The following NBAS variants were observed in gnomAD, a reference collection of about 807,000 sequenced individuals.
NBAS encodes the protein NAG/BC035112 fusion.
A neutral mutation model predicts 302.5 loss-of-function variants in NBAS; 219 were observed. That is an observed-to-expected ratio of 0.72 (90% confidence interval 0.65 to 0.81). The LOEUF (loss-of-function observed/expected upper bound fraction) is 0.81. NBAS is among the 30% of genes least tolerant of loss of function. NBAS has a pLI of 0.00. For synonymous variants in NBAS, 1,118 were observed against 1,021.6 expected, an observed-to-expected ratio of 1.09 and a Z score of -1.80; for missense variants, 2,932 against 2,841.6, an observed-to-expected ratio of 1.03 and a Z score of -0.72.
intron 11 of NBAS, among the ~76,000 whole-genome samples, chr2:15,496,253 T>C (rs1288148197): frequency 6.6e-6 from 1 of 152,150 alleles, no homozygotes; most frequent in Non-Finnish European, 1.5e-5. Context: ...TTTATAATTC[T>C]ATTCATATAG....
the NBAS span, among the ~76,000 whole-genome samples, chr2:14,977,593 T>C: frequency 6.6e-6 from 1 of 152,240 alleles, no homozygotes; most frequent in African/African-American, 2.4e-5. Flanking sequence ...CTGGCTTTAC[T>C]TTTTGTCCCT....
At chr2:15,259,155 C>T (rs928898101) in intron 44 of NBAS, among the ~76,000 whole-genome samples, 1 of 152,084 alleles carries the variant, frequency 6.6e-6, no homozygotes, top group Non-Finnish European at 1.5e-5. Flanking sequence ...TTTAAAAAAA[C>T]CCTTGAAACC....
At chr2:15,409,112 A>G (rs1355727825) in intron 25 of NBAS, among the ~76,000 whole-genome samples, 1 of 152,222 alleles carries the variant, frequency 6.6e-6, no homozygotes, top group African/African-American at 2.4e-5. Flanking sequence ...ACACATATAT[A>G]TTATTTCATT....
chr2:15,372,921 T>C (rs180905011), intron 31 of NBAS, among the ~76,000 whole-genome samples: 37 of 152,280 alleles, frequency 2.4e-4, no homozygotes, highest in Admixed American at 2.3e-3. Context: ...TTTTGTATTA[T>C]ACCAATCTGC....
chr2:14,784,011 C>T, the NBAS span, among the ~76,000 whole-genome samples: 352 of 152,130 alleles, frequency 2.3e-3, 1 homozygote, highest in African/African-American at 7.3e-3. Flanking sequence ...ATGATTGCCA[C>T]TCTAACTGGT....
chr2:15,186,970 G>A (rs529340952), intron 49 of NBAS, 90 bp from the exon 50 acceptor site: 20 of 1,547,000 alleles, frequency 1.3e-5, no homozygotes, highest in Non-Finnish European at 1.2e-5. Context: ...AATGCTTACG[G>A]TAAATTACAA....
At chr2:14,789,437 G>A in the NBAS span, among the ~76,000 whole-genome samples, 4 of 152,150 alleles carry the variant, frequency 2.6e-5, no homozygotes, top group Non-Finnish European at 5.9e-5. Context: ...CTCATGCTGG[G>A]AGCTGTAGAC....
intron 51 of NBAS, among the ~76,000 whole-genome samples, chr2:15,171,524 C>G (rs1664289732): frequency 1.3e-5 from 2 of 152,124 alleles, no homozygotes; most frequent in Middle Eastern, 3.2e-3. Flanking sequence ...AATATTTCAG[C>G]CATTTTAAGT....
chr2:14,986,835 A>G, the NBAS span, among the ~76,000 whole-genome samples: 1 of 152,292 alleles, frequency 6.6e-6, no homozygotes, highest in East Asian at 1.9e-4. Context: ...CCACAAAAAA[A>G]GTATGCTAGA....
chr2:15,509,664 GTT>G (rs1470467715), intron 10 of NBAS, among the ~76,000 whole-genome samples: 1 of 152,144 alleles, frequency 6.6e-6, no homozygotes, highest in African/African-American at 2.4e-5. Flanking sequence ...ATCTTTAATA[GTT>G]TGTTGTTTTA....
chr2:15,540,836 C>A (rs1232921118), intron 6 of NBAS, among the ~76,000 whole-genome samples: 2 of 152,082 alleles, frequency 1.3e-5, no homozygotes, highest in Non-Finnish European at 2.9e-5. Context: ...AATTCTCCTG[C>A]CTCAGCCTCC....
At chr2:15,396,583 A>T in intron 26 of NBAS, 108 bp from the exon 27 acceptor site, 1 of 665,984 alleles carries the variant, frequency 1.5e-6, no homozygotes. Context: ...TTTATATGTA[A>T]TGTATAACAA....
At chr2:15,344,025 T>C (rs1180201364) in intron 35 of NBAS, among the ~76,000 whole-genome samples, 1 of 146,512 alleles carries the variant, frequency 6.8e-6, no homozygotes, top group Non-Finnish European at 1.5e-5. Flanking sequence ...ATAAAAAACC[T>C]CTTACAGCTC....
Position 15,379,845 on chromosome 2 carries a change from GA to G in NBAS, c.3361-15del, listed in dbSNP as rs1558287227. Reference sequence around the variant, plus strand: ...TTCTGTAAATATCTGGAAAAAAGGAGAAACTGGAATTAGTTATAGAGAGGGA... The same window carrying G: ...TTCTGTAAATATCTGGAAAAAAGGAGAACTGGAATTAGTTATAGAGAGGGA... On this transcript the variant is annotated splice_polypyrimidine_tract_variant and intron_variant, in intron 29 of 51. Coordinates refer to ENST00000281513, the MANE Select transcript of NBAS (RefSeq NM_015909.4). The G allele has an allele frequency of 6.2e-7, 1 of 1,605,488 alleles. No individual in the cohort carries two copies. Among genetic ancestry groups the G allele is most frequent in the South Asian group, 1.1e-5 (1 of 90,920 alleles).
the NBAS span, among the ~76,000 whole-genome samples, chr2:14,964,893 T>C: frequency 2.6e-5 from 4 of 152,164 alleles, no homozygotes; most frequent in Admixed American, 6.5e-5. Flanking sequence ...TCTCTTTCAA[T>C]ATTGCCACAT....
the NBAS span, among the ~76,000 whole-genome samples, chr2:15,055,513 G>C: frequency 6.6e-6 from 1 of 152,252 alleles, no homozygotes; most frequent in Admixed American, 6.5e-5. Flanking sequence ...GGGGCGGGGG[G>C]CTGGAAGAGC....
At chr2:15,033,984 G>GGAAGAAGAGGAAGAAGAAGAA in the NBAS span, among the ~76,000 whole-genome samples, 2 of 56,288 alleles carry the variant, frequency 3.6e-5, no homozygotes, top group African/African-American at 8.5e-5. Context: ...AAGAGGAAGA[G>GGAAGAAGAGGAAGAAGAAGAA]GAAGAAGAAG....
intron 38 of NBAS, among the ~76,000 whole-genome samples, chr2:15,310,845 G>A (rs1436577134): frequency 2.0e-5 from 3 of 152,086 alleles, no homozygotes; most frequent in Admixed American, 2.0e-4. Flanking sequence ...CGTGACAATC[G>A]TTTCCATGTC....
chr2:15,157,831 C>T, the NBAS span, among the ~76,000 whole-genome samples: 4 of 152,196 alleles, frequency 2.6e-5, no homozygotes, highest in African/African-American at 7.2e-5. Flanking sequence ...GGTGACCCTG[C>T]GTGTGTCACT....
Sources: allele counts gnomAD v4.1 joint callset (sites outside exome capture counted in the v4.1 genomes callset), GRCh38; gene constraint gnomAD v4.1.1; transcripts MANE v1.5; gene names NCBI Gene and HGNC (gene_info 2026-07-23, HGNC 2026-07-21).